The following GNG7 variants were observed in gnomAD, a reference collection of about 807,000 sequenced individuals.
The protein encoded by GNG7 is G protein subunit gamma 7.
A neutral mutation model predicts 4.0 loss-of-function variants in GNG7; 1 was observed. The ratio of observed to expected loss-of-function variants is 0.25; its 90% confidence interval spans 0.09 to 1.18. The LOEUF (loss-of-function observed/expected upper bound fraction) is 1.18. Ranked by LOEUF, GNG7 falls within the 50% of genes most tolerant of loss-of-function variation. The pLI is 0.50. For missense variants in GNG7, 86 were observed against 91.9 expected, an observed-to-expected ratio of 0.94 and a Z score of 0.26; for synonymous variants, 34 against 36.9, an observed-to-expected ratio of 0.92 and a Z score of 0.29.
At chr19:2,635,674 C>A (rs1982289473) in intron 2 of GNG7, among the ~76,000 whole-genome samples, 2 of 151,792 alleles carry the variant, frequency 1.3e-5, no homozygotes, top group African/African-American at 2.4e-5. Flanking sequence ...CCTCTGCCTC[C>A]CAGGTTCAAT....
At chr19:2,699,641 G>C (rs1260029804) in intron 1 of GNG7, among the ~76,000 whole-genome samples, 2 of 152,322 alleles carry the variant, frequency 1.3e-5, no homozygotes, top group Middle Eastern at 3.4e-3. Flanking sequence ...CCACACTGGA[G>C]TATCTCTGTC....
chr19:2,558,245 T>TTTTTG (rs1979627716), intron 2 of GNG7, among the ~76,000 whole-genome samples: 1 of 46,410 alleles, frequency 2.2e-5, no homozygotes, highest in African/African-American at 1.5e-4. Context: ...TTTGTTTTTG[T>TTTTTG]TTTTGTTTTT....
chr19:2,661,269 G>A (rs61330029), intron 1 of GNG7, among the ~76,000 whole-genome samples: 9,493 of 40,638 alleles, frequency 0.23, 903 homozygotes, highest in East Asian at 0.27. Context: ...AAGAAAGAAA[G>A]AAAAGAAAGA....
intron 2 of GNG7, among the ~76,000 whole-genome samples, chr19:2,570,912 C>T (rs542355843): frequency 6.6e-6 from 1 of 152,248 alleles, no homozygotes; most frequent in African/African-American, 2.4e-5. Context: ...ATCCTCCTGC[C>T]TCAGCCTCCC....
intron 1 of GNG7, among the ~76,000 whole-genome samples, chr19:2,668,847 G>A (rs948624616): frequency 3.3e-5 from 5 of 152,036 alleles, no homozygotes; most frequent in African/African-American, 4.8e-5. Context: ...GCTGAGTACC[G>A]CAGGGTGCTG....
chr19:2,599,773 C>T (rs1404745106), intron 2 of GNG7, among the ~76,000 whole-genome samples: 2 of 151,936 alleles, frequency 1.3e-5, no homozygotes, highest in East Asian at 1.9e-4. Context: ...CCCGTCTCTA[C>T]TAAAAATACA....
At position 2,617,354 on chromosome 19, in the gene GNG7, C is replaced by G. The variant is rs186648537; in HGVS notation, c.-78+28870G>C. Among the ~76,000 whole-genome samples the G allele has an allele frequency of 6.6e-6, 1 of 152,218 alleles. No individual in the cohort carries two copies. On this transcript the variant is annotated intron_variant, in intron 2 of 4. Coordinates refer to ENST00000382159, the MANE Select transcript of GNG7 (RefSeq NM_052847.3). This position sits in a 1 kb window ranked among gnomAD's most constrained non-coding sequence, Gnocchi z 4.7. ...TCACCAGCCATCCAGGCACTGAGCC[C>G]GGCCCAGCCCTGCAGCTCTGACCCT...
At chr19:2,664,955 C>A (rs73510538) in intron 1 of GNG7, among the ~76,000 whole-genome samples, 5,959 of 151,730 alleles carry the variant, frequency 0.039, 383 homozygotes, top group African/African-American at 0.14. Flanking sequence ...CAGTTGACAC[C>A]CCCTGAATTA....
At chr19:2,603,727 T>A (rs888480742) in intron 2 of GNG7, among the ~76,000 whole-genome samples, 3 of 152,142 alleles carry the variant, frequency 2.0e-5, no homozygotes, top group Non-Finnish European at 4.4e-5. Context: ...TGTTCATAGA[T>A]CTCCCAGTTT....
intron 2 of GNG7, among the ~76,000 whole-genome samples, chr19:2,623,440 C>T (rs933406743): frequency 4.6e-5 from 7 of 152,150 alleles, no homozygotes; most frequent in Non-Finnish European, 8.8e-5. Context: ...TCAATCCAAG[C>T]GTCCATCAAC....
intron 2 of GNG7, among the ~76,000 whole-genome samples, chr19:2,640,388 C>T (rs1219385221): frequency 6.6e-6 from 1 of 152,122 alleles, no homozygotes; most frequent in Non-Finnish European, 1.5e-5. Flanking sequence ...CCCTATCACA[C>T]AGAGTGCCTT....
chr19:2,685,525 T>C (rs1472780943), intron 1 of GNG7, among the ~76,000 whole-genome samples: 1 of 151,802 alleles, frequency 6.6e-6, no homozygotes, highest in Non-Finnish European at 1.5e-5. Flanking sequence ...CTTGGGAGGT[T>C]GAGACAGGAG....
At chr19:2,668,300 T>C (rs561229814) in intron 1 of GNG7, among the ~76,000 whole-genome samples, 58 of 151,856 alleles carry the variant, frequency 3.8e-4, no homozygotes, top group African/African-American at 1.3e-3. Flanking sequence ...TAAAATGTGA[T>C]TGAGGGAACA....
At chr19:2,573,353 G>T (rs1980209015) in intron 2 of GNG7, among the ~76,000 whole-genome samples, 1 of 151,998 alleles carries the variant, frequency 6.6e-6, no homozygotes, top group African/African-American at 2.4e-5. Context: ...GTATTGAGGG[G>T]ACCACAGTTC....
chr19:2,551,808 C>T (rs1336004233), intron 3 of GNG7, among the ~76,000 whole-genome samples: 1 of 151,990 alleles, frequency 6.6e-6, no homozygotes, highest in Admixed American at 6.6e-5. Flanking sequence ...CTCAGCCTCC[C>T]AAGTAGCTGG....
chr19:2,560,487 T>C (rs1191449057), intron 2 of GNG7, among the ~76,000 whole-genome samples: 1 of 152,046 alleles, frequency 6.6e-6, no homozygotes, highest in East Asian at 1.9e-4. Context: ...GATTCTCACC[T>C]GGGAGTGGCC....
intron 2 of GNG7, chr19:2,642,369 T>A (rs1315568006): frequency 4.2e-6 from 1 of 239,582 alleles, no homozygotes; most frequent in Non-Finnish European, 8.2e-6. Context: ...AATGGGGTTA[T>A]TTGTTTCTGT....
intron 3 of GNG7, among the ~76,000 whole-genome samples, chr19:2,553,777 T>C (rs1046258452): frequency 2.0e-5 from 3 of 146,816 alleles, no homozygotes; most frequent in Non-Finnish European, 3.0e-5. Context: ...CATGTAATGT[T>C]ATATCACACA....
chr19:2,633,487 G>GCACACACACACACACA lies in GNG7; in HGVS notation c.-78+12721_-78+12736dup, dbSNP rs796899840. 3.9e-5 allele frequency among the ~76,000 whole-genome samples: 4 copies of GCACACACACACACACA among 103,776 alleles called. No individual in the cohort carries two copies. The allele number at this position is 103,776 out of a possible 152,430, so 68.1% of individuals were successfully genotyped here. On this transcript the variant is annotated intron_variant, in intron 2 of 4. Coordinates refer to ENST00000382159, the MANE Select transcript of GNG7 (RefSeq NM_052847.3). This position sits in a 1 kb window ranked among gnomAD's most constrained non-coding sequence, Gnocchi z 5.9. Reference sequence around the variant, plus strand: ...TAGCAACAGGCGCGCGCGCGCGCGCGCACACACACACACACACACACACAC... The same window carrying GCACACACACACACACA: ...TAGCAACAGGCGCGCGCGCGCGCGCGCACACACACACACACACACACACACACACACACACACACAC...
Sources: gnomAD v4.1 joint callset for allele counts (sites outside exome capture counted in the v4.1 genomes callset) on GRCh38, gnomAD v4.1.1 for gene constraint, Gnocchi (gnomAD v3.1) non-coding constraint, MANE v1.5 for transcripts, NCBI Gene and HGNC (gene_info 2026-07-23, HGNC 2026-07-21) for gene names.